The following HS3ST4 variants were observed in gnomAD, a reference collection of about 807,000 sequenced individuals.
The protein encoded by HS3ST4 is heparan sulfate glucosamine 3-O-sulfotransferase 4.
A neutral mutation model predicts 29.2 loss-of-function variants in HS3ST4; 17 were observed. The observed-to-expected ratio is 0.58, with a 90% confidence interval of 0.40 to 0.87. HS3ST4 has a LOEUF of 0.87. Ranked by LOEUF, HS3ST4 falls within the 40% of genes least tolerant of loss-of-function variation. HS3ST4 has a pLI of 0.00. For synonymous variants in HS3ST4, 314 were observed against 285.7 expected (o/e 1.10, Z -1.00); for missense variants, 627 against 634.5 (o/e 0.99, Z 0.13).
At chr16:26,108,073 G>A (rs1361472648) in intron 1 of HS3ST4, among the ~76,000 whole-genome samples, 4 of 152,106 alleles carry the variant, frequency 2.6e-5, no homozygotes, top group Non-Finnish European at 5.9e-5. Flanking sequence ...CATCAGCAGT[G>A]TATAAGCATT....
At chr16:25,828,296 CTTTCCCTCTCTCT>C (rs1596583895) in intron 1 of HS3ST4, among the ~76,000 whole-genome samples, 4 of 74,014 alleles carry the variant, frequency 5.4e-5, no homozygotes, top group Admixed American at 1.7e-4. Context: ...TTCTTTCTTT[CTTTCCCTCTCTCT>C]CTCTCTCTCT....
chr16:25,956,997 C>CAAAAAA (rs11382105), intron 1 of HS3ST4, among the ~76,000 whole-genome samples: 2 of 77,798 alleles, frequency 2.6e-5, no homozygotes, highest in African/African-American at 5.4e-5. Context: ...GACTCCGTCT[C>CAAAAAA]AAAAAAAAAA....
intron 1 of HS3ST4, among the ~76,000 whole-genome samples, chr16:26,109,081 T>C (rs1899093988): frequency 6.6e-6 from 1 of 152,076 alleles, no homozygotes; most frequent in African/African-American, 2.4e-5. Flanking sequence ...ACCAGAAAGA[T>C]GACATCACAA....
chr16:26,093,401 A>C (rs551158461), intron 1 of HS3ST4, among the ~76,000 whole-genome samples: 1 of 152,280 alleles, frequency 6.6e-6, no homozygotes, highest in African/African-American at 2.4e-5. Context: ...AGGAAGGATG[A>C]GGCAGCAATA....
chr16:25,772,924 A>G (rs1476547143), intron 1 of HS3ST4, among the ~76,000 whole-genome samples: 1 of 152,204 alleles, frequency 6.6e-6, no homozygotes, highest in Non-Finnish European at 1.5e-5. Flanking sequence ...TGAAGATGCC[A>G]CGTTCAGCTC....
intron 1 of HS3ST4, among the ~76,000 whole-genome samples, chr16:25,780,244 C>T (rs1412777064): frequency 4.6e-5 from 7 of 152,146 alleles, no homozygotes; most frequent in Non-Finnish European, 1.0e-4. Context: ...TCAGGCCAAG[C>T]CCCGACCTTT....
At chr16:25,885,490 C>CCCA (rs1007042696) in intron 1 of HS3ST4, among the ~76,000 whole-genome samples, 9 of 152,024 alleles carry the variant, frequency 5.9e-5, no homozygotes, top group African/African-American at 2.2e-4. Context: ...TGGGGCACTC[C>CCCA]CCACCAAACA....
intron 1 of HS3ST4, among the ~76,000 whole-genome samples, chr16:26,058,018 C>T (rs562023762): frequency 8.6e-5 from 13 of 151,840 alleles, no homozygotes; most frequent in Admixed American, 7.2e-4. Flanking sequence ...TCTGAGAAGT[C>T]CTCTCTGAGA....
At chr16:25,839,149 A>G (rs776080504) in intron 1 of HS3ST4, among the ~76,000 whole-genome samples, 1 of 152,224 alleles carries the variant, frequency 6.6e-6, no homozygotes, top group Non-Finnish European at 1.5e-5. Flanking sequence ...CTTGGTATTG[A>G]TCCTTTAAAA....
chr16:25,692,719 C>G lies in HS3ST4; in HGVS notation c.302C>G (p.Pro101Arg). 9 of 1,239,698 alleles carry G rather than the reference C, an allele frequency of 7.3e-6. No individual in the cohort carries two copies. The highest frequency in any genetic ancestry group is 3.5e-5 in the East Asian group (1 of 28,934). The allele number at this position is 1,239,698 out of a possible 1,614,324, so 76.8% of individuals were successfully genotyped here. A position where few individuals can be genotyped will look rare whatever the true frequency, so the allele number is the denominator to read the frequency against. Residue 101 changes from proline (P) to arginine (R), a missense_variant, in exon 1 of 2, where the codon CCG becomes CGG. Transcript: ENST00000331351. ...GCCCCCTCGCAGCCGCCCGCGCCGC[C>G]GCCGCTGGACAACGCGAGCCACGGG... ...LGAPSQPPAP[P>R]PLDNASHGEP...
chr16:25,965,718 C>T (rs1015558122), intron 1 of HS3ST4, among the ~76,000 whole-genome samples: 1 of 152,196 alleles, frequency 6.6e-6, no homozygotes, highest in Non-Finnish European at 1.5e-5. Context: ...CCTATCTGTA[C>T]TGAGTTAAGA....
At chr16:25,837,903 C>G (rs953510720) in intron 1 of HS3ST4, among the ~76,000 whole-genome samples, 2 of 152,096 alleles carry the variant, frequency 1.3e-5, no homozygotes, top group African/African-American at 4.8e-5. Context: ...GCATAGTACC[C>G]GAAAGGTAGT....
chr16:25,836,910 C>T (rs1280749828), intron 1 of HS3ST4, among the ~76,000 whole-genome samples: 2 of 152,144 alleles, frequency 1.3e-5, no homozygotes, highest in African/African-American at 2.4e-5. Flanking sequence ...AAAATGTACT[C>T]GACAACTGGT....
At chr16:25,895,955 G>A (rs1968059113) in intron 1 of HS3ST4, among the ~76,000 whole-genome samples, 1 of 152,180 alleles carries the variant, frequency 6.6e-6, no homozygotes, top group Non-Finnish European at 1.5e-5. Context: ...GGGGATGGAG[G>A]AGACTGGTGG....
chr16:25,905,445 A>C (rs1200478629), intron 1 of HS3ST4, among the ~76,000 whole-genome samples: 1 of 152,172 alleles, frequency 6.6e-6, no homozygotes, highest in African/African-American at 2.4e-5. Context: ...AGGACTCTCT[A>C]ATACCTTGTT....
At chr16:25,921,455 G>C (rs1363139843) in intron 1 of HS3ST4, among the ~76,000 whole-genome samples, 2 of 152,210 alleles carry the variant, frequency 1.3e-5, no homozygotes, top group Admixed American at 6.5e-5. Flanking sequence ...ACAAAGTCAG[G>C]CTTGGGAACC....
chr16:26,022,233 T>TGTTA (rs774244763), intron 1 of HS3ST4, among the ~76,000 whole-genome samples: 2 of 151,910 alleles, frequency 1.3e-5, no homozygotes, highest in African/African-American at 4.8e-5. Flanking sequence ...CCTCCCAAAG[T>TGTTA]GTTAGGATTC....
At chr16:25,772,312 A>G (rs772231515) in intron 1 of HS3ST4, among the ~76,000 whole-genome samples, 2 of 152,360 alleles carry the variant, frequency 1.3e-5, no homozygotes, top group Middle Eastern at 3.4e-3. Flanking sequence ...CTCTGAATGC[A>G]TCATTGATAG....
At chr16:25,896,444 T>G (rs1411259212) in intron 1 of HS3ST4, among the ~76,000 whole-genome samples, 1 of 151,994 alleles carries the variant, frequency 6.6e-6, no homozygotes, top group Non-Finnish European at 1.5e-5. Context: ...AAAAGCGCAA[T>G]GAGATACCGT....
Sources: allele counts gnomAD v4.1 joint callset (sites outside exome capture counted in the v4.1 genomes callset), GRCh38; gene constraint gnomAD v4.1.1; transcripts MANE v1.5; gene names NCBI Gene and HGNC (gene_info 2026-07-23, HGNC 2026-07-21).